GFI1B: variants seen among roughly 807,000 people sequenced by gnomAD.
GFI1B encodes growth factor independent 1B transcriptional repressor.
Under a neutral mutation model 35.3 loss-of-function variants are expected in GFI1B, and 20 were observed. The observed-to-expected ratio is 0.57, with a 90% CI of 0.40 to 0.82. The LOEUF (loss-of-function observed/expected upper bound fraction) is 0.82, where lower values mean the gene tolerates loss of function less well. GFI1B is among the 40% of genes least tolerant of loss of function. The probability of loss-of-function intolerance (pLI) is 0.00; values close to 1 mark genes in which losing one functional copy is unlikely to be tolerated. For synonymous variants in GFI1B, 178 were observed against 177.6 expected, an observed-to-expected ratio of 1.00 and a Z score of -0.02; for missense variants, 430 against 446.3, an observed-to-expected ratio of 0.96 and a Z score of 0.33.
Position 132,987,144 on chromosome 9 carries a change from G to A in GFI1B, c.101-138G>A, listed in dbSNP as rs889827886. The A allele has an allele frequency of 6.3e-6, 6 of 959,566 alleles. No homozygotes were observed. In the African/African-American group the frequency reaches 6.4e-5, roughly 10 times the overall value. The allele number at this position is 959,566 out of a possible 1,614,324, so 59.4% of individuals were successfully genotyped here. A position where few individuals can be genotyped will look rare whatever the true frequency, so the allele number is the denominator to read the frequency against. ...GCCGCCTGCTCTGGGCAGAGCCCGG[G>A]AGTGTGAGCCGCCAGAAGCAGCGGC... is the stretch of plus-strand genomic sequence containing the variant. On this transcript the variant is annotated intron_variant, in intron 2 of 6. Transcript: ENST00000372122.
In GFI1B at chr9:132,986,665, G is replaced by A. The variant is rs191271399; in HGVS notation, c.-14G>A. 2.0e-4 allele frequency: 305 copies of A among 1,545,492 alleles called. No homozygotes were observed. Among genetic ancestry groups the A allele is most frequent in the Admixed American group, 3.1e-4 (18 of 58,696 alleles). On this transcript the variant is annotated 5_prime_UTR_variant, in exon 2 of 7. Coordinates refer to ENST00000372122, the MANE Select transcript of GFI1B (RefSeq NM_001377304.1). ...CCATCCCTCCCCCTTGCAGGTGTGG[G>A]GTGCACACTGAAAATGCCACGCTCC...
chr9:132,947,488 A>G (rs11243942), intron 1 of GFI1B, among the ~76,000 whole-genome samples: 32,414 of 151,178 alleles, frequency 0.21, 3,610 homozygotes, highest in African/African-American at 0.23. Flanking sequence ...ATTCAGAGAG[A>G]CTCCCGGGGT....
downstream of GFI1B, among the ~76,000 whole-genome samples, chr9:132,992,824 C>G (rs1849325661): frequency 6.6e-6 from 1 of 152,152 alleles, no homozygotes; most frequent in Non-Finnish European, 1.5e-5. Flanking sequence ...ACCCCCCATC[C>G]CACACCAATC....
In GFI1B at chr9:132,989,154, G is replaced by C. The variant is rs781610790; in HGVS notation, c.604G>C (p.Gly202Arg). Residue 202 changes from glycine (G) to arginine (R), a missense_variant, in exon 5 of 7, where the codon GGC becomes CGC. Physicochemically the swap from Gly to Arg is moderately radical, Grantham distance 125. Coordinates refer to ENST00000372122, the MANE Select transcript of GFI1B (RefSeq NM_001377304.1). This position sits in a 1 kb window ranked among gnomAD's most constrained non-coding sequence, Gnocchi z 6.2. ...FACDICGKTF[G>R]HAVSLEQHTH... ...CTGTGACATCTGCGGCAAAACCTTC[G>C]GCCACGCTGTGAGCCTGGAGCAGCA... 6.2e-7 allele frequency: 1 copy of C among 1,613,856 alleles called. No individual in the cohort carries two copies. The highest frequency in any genetic ancestry group is 1.7e-5 in the Admixed American group (1 of 60,014).
intron 1 of GFI1B, among the ~76,000 whole-genome samples, chr9:132,959,517 A>G (rs1360646090): frequency 6.6e-6 from 1 of 152,230 alleles, no homozygotes; most frequent in African/African-American, 2.4e-5. Flanking sequence ...TATCTAGCAG[A>G]GTGCCCACGC....
intron 1 of GFI1B, among the ~76,000 whole-genome samples, chr9:132,956,753 A>T (rs547968567): frequency 5.3e-5 from 8 of 152,358 alleles, no homozygotes; most frequent in Admixed American, 1.3e-4. Context: ...ACCACCTATT[A>T]TCTCACAGTT....
chr9:132,985,428 C>T (rs1001809485), intron 1 of GFI1B, among the ~76,000 whole-genome samples: 2 of 152,124 alleles, frequency 1.3e-5, no homozygotes, highest in Non-Finnish European at 2.9e-5. Flanking sequence ...GGGGGCTGTT[C>T]GCCTCTTCTC....
At chr9:132,956,920 T>C (rs1245103911) in intron 1 of GFI1B, among the ~76,000 whole-genome samples, 1 of 152,216 alleles carries the variant, frequency 6.6e-6, no homozygotes, top group Non-Finnish European at 1.5e-5. Flanking sequence ...TTGACAAGAT[T>C]CAGTTCCTTG....
chr9:132,992,686 G>T (rs775474018), downstream of GFI1B, among the ~76,000 whole-genome samples: 2 of 152,110 alleles, frequency 1.3e-5, no homozygotes, highest in African/African-American at 2.4e-5. Context: ...CAGCCAGAAG[G>T]TCTTCTCTCT....
At position 132,990,947 on chromosome 9, in the gene GFI1B, A is replaced by G. The variant is rs770622297; in HGVS notation, c.890A>G (p.Lys297Arg). Residue 297 changes from lysine to arginine, a missense_variant, in exon 7 of 7, where the codon AAG becomes AGG. Transcript: ENST00000372122. ...QSSNLITHSR[K>R]HTGFKPFSCE... ...TCCAACCTCATCACCCACAGCCGCA[A>G]GCACACAGGCTTCAAGCCCTTCAGC... 4.3e-6 allele frequency: 7 copies of G among 1,614,078 alleles called. No homozygotes were observed. In the African/African-American group the frequency reaches 9.3e-5, roughly 22 times the overall value.
chr9:132,975,608 G>A (rs1417200604), upstream of GFI1B, among the ~76,000 whole-genome samples: 1 of 152,158 alleles, frequency 6.6e-6, no homozygotes, highest in Non-Finnish European at 1.5e-5. Context: ...GACCAGGAAG[G>A]AATATGAAAA....
intron 1 of GFI1B, among the ~76,000 whole-genome samples, chr9:132,965,935 G>T (rs1015583877): frequency 1.3e-5 from 2 of 152,124 alleles, no homozygotes; most frequent in African/African-American, 2.4e-5. Context: ...CATGAGTTCT[G>T]GCACATGTTT....
chr9:132,964,939 C>T lies in GFI1B; in HGVS notation c.-700-7786C>T, dbSNP rs148394768. ...ATTTTTAGTAGAGATGGGGTTTCGC[C>T]ATGTTGGCCAGGCTGGTCCTCATTT... On this transcript the variant is annotated intron_variant, in intron 1 of 10. Transcript: ENST00000339463. 8.9e-3 allele frequency among the ~76,000 whole-genome samples: 1,355 copies of T among 152,026 alleles called. 22 individuals carry two copies. The highest frequency in any genetic ancestry group is 0.03 in the African/African-American group (1,261 of 41,450).
Position 132,963,847 on chromosome 9 carries a change from G to A in GFI1B, c.-700-8878G>A, listed in dbSNP as rs367941655. 5.9e-5 allele frequency: 9 copies of A among 152,140 alleles called. No homozygotes were observed. The East Asian group carries it at 7.7e-4, about 13-fold the overall frequency. 9.4% of individuals were successfully genotyped at this position (152,140 alleles called of 1,614,324 possible). Reference sequence around the variant, plus strand: ...GGGGACTGATTGAATAAACTATGGCGCAGTAAGATGCAGAGATAAAAATGC... The same window carrying A: ...GGGGACTGATTGAATAAACTATGGCACAGTAAGATGCAGAGATAAAAATGC... On this transcript the variant is annotated intron_variant, in intron 1 of 10. Transcript: ENST00000339463.
At chr9:132,964,077 C>A (rs1470246468) in intron 1 of GFI1B, among the ~76,000 whole-genome samples, 2 of 152,020 alleles carry the variant, frequency 1.3e-5, no homozygotes, top group Admixed American at 1.3e-4. Flanking sequence ...CCCATCTCTA[C>A]TAAAAATACA....
At chr9:132,963,219 T>C (rs993925072) in intron 1 of GFI1B, among the ~76,000 whole-genome samples, 15 of 151,716 alleles carry the variant, frequency 9.9e-5, no homozygotes, top group African/African-American at 3.4e-4. Context: ...TGGTGGCTCA[T>C]GCCTGTAATC....
At chr9:132,967,125 C>G (rs764947671) in intron 1 of GFI1B, among the ~76,000 whole-genome samples, 1 of 152,164 alleles carries the variant, frequency 6.6e-6, no homozygotes, top group Non-Finnish European at 1.5e-5. Context: ...GTTCAGCCCC[C>G]ACCTGTACTC....
chr9:132,978,013 A>G (rs1191802022), upstream of GFI1B, among the ~76,000 whole-genome samples: 1 of 151,460 alleles, frequency 6.6e-6, no homozygotes, highest in East Asian at 2.0e-4. Context: ...TGCAAGGACA[A>G]GAGGGGCCTC....
At chr9:132,967,938 G>A (rs868026235) in intron 1 of GFI1B, among the ~76,000 whole-genome samples, 4 of 151,766 alleles carry the variant, frequency 2.6e-5, no homozygotes, top group Non-Finnish European at 4.4e-5. Flanking sequence ...GTGCCACCAC[G>A]CCCGGCTAAT....
Sources: allele counts gnomAD v4.1 joint callset (sites outside exome capture counted in the v4.1 genomes callset), GRCh38; gene constraint gnomAD v4.1.1; non-coding constraint Gnocchi (gnomAD v3.1); transcripts MANE v1.5; gene names NCBI Gene and HGNC (gene_info 2026-07-23, HGNC 2026-07-21).